OSMR: variants seen among roughly 807,000 people sequenced by gnomAD.
OSMR encodes the protein oncostatin-M-specific receptor subunit beta.
OSMR carries 81 observed loss-of-function variants against 99.9 expected under a neutral mutation model. The observed-to-expected ratio is 0.81, with a 90% CI of 0.68 to 0.97. OSMR has a LOEUF of 0.97. OSMR is among the 50% of genes least tolerant of loss of function. The probability of loss-of-function intolerance (pLI) is 0.00; values close to 1 mark genes in which losing one functional copy is unlikely to be tolerated. For synonymous variants in OSMR, 406 were observed against 410.4 expected, an observed-to-expected ratio of 0.99 and a Z score of 0.13; for missense variants, 1,099 against 1,153.4, an observed-to-expected ratio of 0.95 and a Z score of 0.68.
At chr5:38,878,579 A>G (rs1229968764) in intron 3 of OSMR, among the ~76,000 whole-genome samples, 1 of 152,204 alleles carries the variant, frequency 6.6e-6, no homozygotes, top group Non-Finnish European at 1.5e-5. Flanking sequence ...TAAGAGCTCA[A>G]GCTTGGAAGG....
At chr5:38,855,065 G>A (rs1268561917) in intron 1 of OSMR, among the ~76,000 whole-genome samples, 1 of 152,172 alleles carries the variant, frequency 6.6e-6, no homozygotes, top group East Asian at 1.9e-4. Flanking sequence ...GGCCAGAGCA[G>A]CAGTGAGACT....
At chr5:38,930,259 G>T (rs146520180) in intron 15 of OSMR, among the ~76,000 whole-genome samples, 1 of 152,190 alleles carries the variant, frequency 6.6e-6, no homozygotes, top group East Asian at 1.9e-4. Context: ...GATTCATAAA[G>T]AGAGTTTCTT....
At chr5:38,915,802 G>A (rs528975793) in intron 9 of OSMR, among the ~76,000 whole-genome samples, 5 of 152,270 alleles carry the variant, frequency 3.3e-5, no homozygotes, top group African/African-American at 4.8e-5. Flanking sequence ...GAAGCAGCAC[G>A]TTCACAAAAT....
chr5:38,862,047 C>A (rs1438737223), intron 1 of OSMR, among the ~76,000 whole-genome samples: 1 of 89,508 alleles, frequency 1.1e-5, no homozygotes, highest in Non-Finnish European at 2.2e-5. Flanking sequence ...TAGGGGCGGC[C>A]GGGCAGAGGC....
At chr5:38,891,233 A>G (rs1460300971) in intron 7 of OSMR, among the ~76,000 whole-genome samples, 1 of 152,196 alleles carries the variant, frequency 6.6e-6, no homozygotes, top group Non-Finnish European at 1.5e-5. Context: ...AGCAAACAGA[A>G]TATTAAATCA....
In OSMR at chr5:38,904,035, TG is replaced by T; in HGVS notation, c.1134+12del. 1 of 1,613,500 alleles carries T rather than the reference TG, an allele frequency of 6.2e-7. No homozygotes were observed. Among genetic ancestry groups the T allele is most frequent in the Non-Finnish European group, 8.5e-7 (1 of 1,179,854 alleles). On this transcript the variant is annotated intron_variant, in intron 8 of 17. Coordinates refer to ENST00000274276, the MANE Select transcript of OSMR (RefSeq NM_003999.3). Reference sequence around the variant, plus strand: ...GGAAAAATGATGCAAGTAAGAACCCTGCTTAATTTTCTATTTTCAAAAATTC... The same window carrying T: ...GGAAAAATGATGCAAGTAAGAACCCTCTTAATTTTCTATTTTCAAAAATTC...
At chr5:38,917,442 G>A in intron 9 of OSMR, 104 bp from the exon 10 acceptor site, 11 of 1,535,048 alleles carry the variant, frequency 7.2e-6, no homozygotes, top group Non-Finnish European at 8.8e-6. Context: ...CAAGCCTCAG[G>A]TTGGACAGGT....
chr5:38,899,861 G>A (rs954943790), intron 7 of OSMR, among the ~76,000 whole-genome samples: 1 of 152,156 alleles, frequency 6.6e-6, no homozygotes, highest in African/African-American at 2.4e-5. Flanking sequence ...GCCATGAGCT[G>A]TGCTGCCTGG....
chr5:38,937,150 C>T (rs868586850), downstream of OSMR, among the ~76,000 whole-genome samples: 3 of 152,288 alleles, frequency 2.0e-5, no homozygotes, highest in Non-Finnish European at 2.9e-5. This position sits in a 1 kb window ranked among gnomAD's most constrained non-coding sequence, Gnocchi z 4.0. Flanking sequence ...TTCCCTGCCT[C>T]GGCCTCCCTG....
chr5:38,899,640 G>C (rs2112511599), intron 7 of OSMR, among the ~76,000 whole-genome samples: 1 of 152,262 alleles, frequency 6.6e-6, no homozygotes. Context: ...TGCTCGGACT[G>C]GGTCCTTCCC....
intron 7 of OSMR, among the ~76,000 whole-genome samples, chr5:38,890,033 A>C (rs1367434165): frequency 6.6e-6 from 1 of 152,222 alleles, no homozygotes; most frequent in Non-Finnish European, 1.5e-5. Flanking sequence ...TTTCTAATCC[A>C]TGAATTAATT....
chr5:38,897,925 G>C (rs1043214442), intron 7 of OSMR, among the ~76,000 whole-genome samples: 1 of 152,022 alleles, frequency 6.6e-6, no homozygotes, highest in African/African-American at 2.4e-5. Context: ...AATTCCTCTT[G>C]TTATTGATTT....
intron 17 of OSMR, 55 bp downstream of exon 17, chr5:38,932,590 G>A: frequency 1.3e-6 from 2 of 1,578,896 alleles, no homozygotes; most frequent in Admixed American, 1.7e-5. Context: ...CTAACCCAGA[G>A]TGGGGGCTGT....
chr5:38,892,769 A>T (rs1744241817), intron 7 of OSMR, among the ~76,000 whole-genome samples: 1 of 152,028 alleles, frequency 6.6e-6, no homozygotes. Context: ...TACAAGGTAC[A>T]CCTGAACTAG....
chr5:38,874,136 A>T (rs1442852520), intron 2 of OSMR, among the ~76,000 whole-genome samples: 1 of 152,140 alleles, frequency 6.6e-6, no homozygotes, highest in African/African-American at 2.4e-5. Context: ...CTTATCAGAT[A>T]TATGATTTGC....
intron 10 of OSMR, among the ~76,000 whole-genome samples, chr5:38,917,844 C>A (rs891533193): frequency 1.4e-4 from 22 of 152,166 alleles, no homozygotes; most frequent in Non-Finnish European, 3.1e-4. Context: ...ACCTTCTCTG[C>A]AACTTCAACT....
Position 38,932,550 on chromosome 5 carries a change from A to G in OSMR, c.2367+15A>G. On this transcript the variant is annotated intron_variant, in intron 17 of 17. Coordinates refer to ENST00000274276, the MANE Select transcript of OSMR (RefSeq NM_003999.3). ...TAAAATTCAAGGTAAATGTTGGCAA[A>G]TTGTATGTATACCATATACCTATTA... 6.2e-7 allele frequency: 1 copy of G among 1,604,912 alleles called. No individual in the cohort carries two copies. Among genetic ancestry groups the G allele is most frequent in the South Asian group, 1.1e-5 (1 of 90,884 alleles).
At chr5:38,856,402 A>C (rs2112083153) in intron 1 of OSMR, among the ~76,000 whole-genome samples, 1 of 152,298 alleles carries the variant, frequency 6.6e-6, no homozygotes, top group Non-Finnish European at 1.5e-5. Context: ...TGTGGTCCTC[A>C]GGTGGCCTGG....
chr5:38,904,984 G>A (rs1745135595), intron 9 of OSMR, among the ~76,000 whole-genome samples: 1 of 152,200 alleles, frequency 6.6e-6, no homozygotes, highest in African/African-American at 2.4e-5. Context: ...CTCTGTGGCA[G>A]GGTTTCCTCA....
Sources: allele counts gnomAD v4.1 joint callset (sites outside exome capture counted in the v4.1 genomes callset), GRCh38; gene constraint gnomAD v4.1.1; non-coding constraint Gnocchi (gnomAD v3.1); transcripts MANE v1.5; gene names NCBI Gene and HGNC (gene_info 2026-07-23, HGNC 2026-07-21).